Variants in ERF observed in about 807,000 individuals in gnomAD.
ERF encodes the protein ETS2 repressor factor, also known as ETS domain-containing transcription factor ERF.
Under a neutral mutation model 41.6 loss-of-function variants are expected in ERF, and 10 were observed. That is an observed-to-expected ratio of 0.24 (90% CI 0.15 to 0.41). The LOEUF (loss-of-function observed/expected upper bound fraction) is 0.41. ERF is among the 10% of genes least tolerant of loss of function. The pLI is 1.00. For synonymous variants in ERF, 395 were observed against 342.4 expected (o/e 1.15, Z -1.70); for missense variants, 621 against 763.2 (o/e 0.81, Z 2.19).
At chr19:42,253,744 A>T in intron 1 of ERF, 2 of 512,040 alleles carry the variant, frequency 3.9e-6, no homozygotes, top group Non-Finnish European at 5.0e-6. Context: ...CTTTAAGATT[A>T]AGCCGCCCCC....
chr19:42,251,124 G>A (rs984907519), intron 1 of ERF: 3 of 735,774 alleles, frequency 4.1e-6, no homozygotes, highest in Non-Finnish European at 5.0e-6. Flanking sequence ...CTCGGTTGCC[G>A]ATGAGGTCAG....
intron 1 of ERF, among the ~76,000 whole-genome samples, chr19:42,252,196 C>A (rs1447255891): frequency 6.6e-6 from 1 of 152,186 alleles, no homozygotes; most frequent in Non-Finnish European, 1.5e-5. Context: ...ACCCTCATAT[C>A]CCCTCCAAAA....
rs1414987553 is a variant in ERF at position 42,248,715 on chromosome 19, G to A, written c.1397C>T (p.Pro466Leu). Residue 466 changes from proline (P) to leucine (L), a missense_variant, in exon 4 of 4, where the codon CCT becomes CTT. This residue lies in a region of ERF where 569 missense variants were observed against 625.5 expected (regional missense o/e 0.91). Coordinates refer to ENST00000222329, the MANE Select transcript of ERF (RefSeq NM_006494.4). The surrounding 1 kb of genome is among the most constrained non-coding windows in gnomAD (Gnocchi z 4.2). ...TGCCCCGGGTGCCTCGCCGGGCTCA[G>A]GCTTAGGGGGTGCAGGTGGGGCACG... ...TPRAPPAPPK[P>L]EPGEAPGASQ... is the part of the protein sequence containing the mutation. 6.2e-7 allele frequency: 1 copy of A among 1,613,580 alleles called. No homozygotes were observed. The highest frequency in any genetic ancestry group is 2.2e-5 in the East Asian group (1 of 44,880).
chr19:42,252,753 G>A lies in ERF; in HGVS notation c.23-2188C>T, dbSNP rs547727261. ...GGGGGGGGGAGAATGAAGAGGGGGT[G>A]ACGTCAGGGTGTCTCAATGGGGCTC... is the stretch of plus-strand genomic sequence containing the variant. On this transcript the variant is annotated intron_variant, in intron 1 of 3. Coordinates refer to ENST00000222329, the MANE Select transcript of ERF (RefSeq NM_006494.4). Among the ~76,000 whole-genome samples the A allele has an allele frequency of 2.6e-5, 4 of 152,298 alleles. No individual in the cohort carries two copies. In the East Asian group the frequency reaches 5.8e-4, roughly 22 times the overall value.
chr19:42,249,181 T>G lies in ERF; in HGVS notation c.931A>C (p.Lys311Gln). ...SHFSFSPEDM[K>Q]RYLQAHTQSV... ...TGGGTGTGGGCCTGCAGGTACCGTT[T>G]CATGTCCTCAGGGCTGAAGGAGAAG... The change falls in exon 4 of 4, where the codon AAA (lysine) becomes CAA (glutamine). Residue 311 changes from lysine (K) to glutamine (Q), a missense_variant. Physicochemically the swap from Lys to Gln is moderately conservative, Grantham distance 53. Around this residue, in one of 3 missense-constraint regions of ERF, gnomAD observed 569 missense variants for 625.5 expected, o/e 0.91. Transcript: ENST00000222329. This position sits in a 1 kb window ranked among gnomAD's most constrained non-coding sequence, Gnocchi z 8.6. The G allele has an allele frequency of 3.1e-6, 5 of 1,613,804 alleles. No homozygotes were observed. Among genetic ancestry groups the G allele is most frequent in the Non-Finnish European group, 4.2e-6 (5 of 1,179,882 alleles).
chr19:42,253,979 AG>A, intron 1 of ERF: 1 of 1,000,628 alleles, frequency 1.0e-6, no homozygotes, highest in South Asian at 3.6e-5. Context: ...GTAGACGGGC[AG>A]GGGGCGGCTG....
Position 42,250,480 on chromosome 19 carries a change from C to T in ERF, c.108G>A (p.Leu36=). ...QIQLWHFILE[L]LRKEEYQGVI... is the part of the protein sequence containing the mutation. ...CGCCCTGGTACTCCTCCTTCCGCAG[C>T]AGCTCCAGGATAAAGTGCCACAGCT... Residue 36 remains leucine, a synonymous_variant, in exon 2 of 4, where the codon CTG becomes CTA. Coordinates refer to ENST00000222329, the MANE Select transcript of ERF (RefSeq NM_006494.4). This position sits in a 1 kb window ranked among gnomAD's most constrained non-coding sequence, Gnocchi z 5.1. 6.2e-7 allele frequency: 1 copy of T among 1,613,656 alleles called. No individual in the cohort carries two copies. The highest frequency in any genetic ancestry group is 8.5e-7 in the Non-Finnish European group (1 of 1,180,034).
rs1269422407 is a variant in ERF, at chr19:42,250,705, G to A, written c.23-140C>T. ...TCAGCCAAGTCAAGATCTGATTTAA[G>A]AGAAGACAGTGCGTGTCTGTCTGTC... On this transcript the variant is annotated intron_variant, in intron 1 of 3. Coordinates refer to ENST00000222329, the MANE Select transcript of ERF (RefSeq NM_006494.4). This position sits in a 1 kb window ranked among gnomAD's most constrained non-coding sequence, Gnocchi z 5.1. 5 of 835,300 alleles carry A rather than the reference G, an allele frequency of 6.0e-6. No individual in the cohort carries two copies. Among genetic ancestry groups the A allele is most frequent in the African/African-American group, 5.1e-5 (3 of 58,324 alleles). 51.7% of individuals were successfully genotyped at this position (835,300 alleles called of 1,614,324 possible).
rs745600955 is a variant in ERF, at chr19:42,249,008, AGAG to A, written c.1101_1103del (p.Ser373del). On this transcript the variant is annotated inframe_deletion, in exon 4 of 4. Transcript: ENST00000222329. This position sits in a 1 kb window ranked among gnomAD's most constrained non-coding sequence, Gnocchi z 8.6. ...ACTTGAATGGGGAGGAAGAAGAAGAAGAGGATGACGAGGCCGAGGAGGGGACCG... is the reference window on the plus strand; with the variant it reads ...ACTTGAATGGGGAGGAAGAAGAAGAAGATGACGAGGCCGAGGAGGGGACCG... The A allele has an allele frequency of 4.3e-6, 7 of 1,609,682 alleles. No individual in the cohort carries two copies. Among genetic ancestry groups the A allele is most frequent in the Non-Finnish European group, 5.9e-6 (7 of 1,178,790 alleles).
At position 42,249,294 on chromosome 19, in the gene ERF, G is replaced by T; in HGVS notation, c.818C>A (p.Thr273Asn). The T allele has an allele frequency of 6.2e-7, 1 of 1,602,550 alleles. No homozygotes were observed. Among genetic ancestry groups the T allele is most frequent in the Non-Finnish European group, 8.5e-7 (1 of 1,174,644 alleles). Residue 273 changes from threonine (T) to asparagine (N), a missense_variant, in exon 4 of 4, where the codon ACC becomes AAC. Physicochemically the swap from Thr to Asn is moderately conservative, Grantham distance 65. Coordinates refer to ENST00000222329, the MANE Select transcript of ERF (RefSeq NM_006494.4). The surrounding 1 kb of genome is among the most constrained non-coding windows in gnomAD (Gnocchi z 8.6). ...QLSPALPMTPTHLAYTPSPTL... is the reference protein window; with the variant it reads ...QLSPALPMTPNHLAYTPSPTL... The stretch of plus-strand genomic sequence containing the variant: ...GGGCGAGGGAGTGTAGGCCAGGTGG[G>T]TGGGCGTCATGGGCAGAGCCGGGGA...
rs914128913 is a variant in ERF, at chr19:42,250,455, C to T, written c.133G>A (p.Val45Ile). 8 of 1,613,456 alleles carry T rather than the reference C, an allele frequency of 5.0e-6. No homozygotes were observed. The highest frequency in any genetic ancestry group is 2.7e-5 in the African/African-American group (2 of 74,912). The change falls in exon 2 of 4, where the codon GTC becomes ATC. Residue 45 changes from valine to isoleucine, a missense_variant. Physicochemically the swap from Val to Ile is conservative, Grantham distance 29. Coordinates refer to ENST00000222329, the MANE Select transcript of ERF (RefSeq NM_006494.4). The surrounding 1 kb of genome is among the most constrained non-coding windows in gnomAD (Gnocchi z 5.1). ...ELLRKEEYQG[V>I]IAWQGDYGEF... ...CCGTAGTCCCCCTGCCAGGCAATGA[C>T]GCCCTGGTACTCCTCCTTCCGCAGC...
In ERF at chr19:42,248,565, T is replaced by C; in HGVS notation, c.1547A>G (p.Glu516Gly). The change falls in exon 4 of 4, where the codon GAG becomes GGG. Residue 516 changes from glutamate to glycine, a missense_variant. Physicochemically the swap from Glu to Gly is moderately conservative, Grantham distance 98 (BLOSUM62 -2). Around this residue, in one of 3 missense-constraint regions of ERF, gnomAD observed 569 missense variants for 625.5 expected, o/e 0.91. Coordinates refer to ENST00000222329, the MANE Select transcript of ERF (RefSeq NM_006494.4). This position sits in a 1 kb window ranked among gnomAD's most constrained non-coding sequence, Gnocchi z 4.2. The part of the protein sequence containing the change: ...DEGEDKKVRG[E>G]GPGEAGGPLT... ...GGGCCCCCCAGCCTCCCCAGGCCCCTCCCCACGCACCTTCTTGTCCTCACC... is the reference window on the plus strand; with the variant it reads ...GGGCCCCCCAGCCTCCCCAGGCCCCCCCCCACGCACCTTCTTGTCCTCACC... The C allele has an allele frequency of 6.4e-7, 1 of 1,564,608 alleles. No individual in the cohort carries two copies. Among genetic ancestry groups the C allele is most frequent in the Non-Finnish European group, 8.7e-7 (1 of 1,155,230 alleles).
In ERF at chr19:42,249,306, G is replaced by T; in HGVS notation, c.806C>A (p.Pro269His). The change falls in exon 4 of 4, where the codon CCC (proline) becomes CAC (histidine). Residue 269 changes from proline to histidine, a missense_variant. Transcript: ENST00000222329. This position sits in a 1 kb window ranked among gnomAD's most constrained non-coding sequence, Gnocchi z 8.6. ...LLPPQLSPALPMTPTHLAYTP... is the reference protein window; with the variant it reads ...LLPPQLSPALHMTPTHLAYTP... ...GTAGGCCAGGTGGGTGGGCGTCATG[G>T]GCAGAGCCGGGGAGAGCTGAGGGGG... The T allele has an allele frequency of 1.3e-6, 2 of 1,595,168 alleles. No individual in the cohort carries two copies. Among genetic ancestry groups the T allele is most frequent in the Non-Finnish European group, 1.7e-6 (2 of 1,171,050 alleles).
Position 42,255,096 on chromosome 19 carries a change from C to G in ERF, c.-97G>C. ...CCCGCGCCCGTCGGGCCGCCCTCGC[C>G]GCCTCACCCGGCCTCGCCTCTCAGA... is the stretch of plus-strand genomic sequence containing the variant. On this transcript the variant is annotated 5_prime_UTR_variant, in exon 1 of 4. Coordinates refer to ENST00000222329, the MANE Select transcript of ERF (RefSeq NM_006494.4). 1 of 1,110,186 alleles carries G rather than the reference C, an allele frequency of 9.0e-7. No individual in the cohort carries two copies. Among genetic ancestry groups the G allele is most frequent in the South Asian group, 4.1e-5 (1 of 24,156 alleles). The allele number at this position is 1,110,186 out of a possible 1,614,324, so 68.8% of individuals were successfully genotyped here.
chr19:42,251,701 C>T (rs1378072057), intron 1 of ERF, among the ~76,000 whole-genome samples: 1 of 152,106 alleles, frequency 6.6e-6, no homozygotes, highest in Non-Finnish European at 1.5e-5. Context: ...CCAGCTCAAA[C>T]AGGTACCAAC....
chr19:42,254,865 C>A, intron 1 of ERF, 113 bp downstream of exon 1: 1 of 1,267,840 alleles, frequency 7.9e-7, no homozygotes, highest in African/African-American at 1.6e-5. Context: ...GAGGGGTCCC[C>A]CAGAACTGGG....
chr19:42,254,108 CCCGCCGA>C (rs1338173204), intron 1 of ERF, among the ~76,000 whole-genome samples: 2 of 151,766 alleles, frequency 1.3e-5, no homozygotes, highest in African/African-American at 4.8e-5. Flanking sequence ...CTGCCCCCCG[CCCGCCGA>C]CCGAGGGGGA....
intron 1 of ERF, among the ~76,000 whole-genome samples, chr19:42,252,667 C>T (rs1011204237): frequency 1.4e-4 from 22 of 152,094 alleles, no homozygotes; most frequent in African/African-American, 5.1e-4. Context: ...ACTCCCAAGC[C>T]CACCACAACG....
rs1478758153 is a variant in ERF, at chr19:42,250,127, G to A, written c.258-185C>T. ...CCTCACATCTAAGGCAGGACTAGAG[G>A]ATCCACTGGTGACTGTAATCTCTCC... On this transcript the variant is annotated intron_variant, in intron 2 of 3. Transcript: ENST00000222329. The surrounding 1 kb of genome is among the most constrained non-coding windows in gnomAD (Gnocchi z 5.1). 6.7e-6 allele frequency: 5 copies of A among 743,434 alleles called. No homozygotes were observed. The highest frequency in any genetic ancestry group is 1.1e-5 in the Non-Finnish European group (5 of 447,464). 46.1% of individuals were successfully genotyped at this position (743,434 alleles called of 1,614,324 possible).
Sources: gnomAD v4.1 joint callset for allele counts (sites outside exome capture counted in the v4.1 genomes callset) on GRCh38, gnomAD v4.1.1 for gene constraint, gnomAD v4.1.1 regional missense constraint, Gnocchi (gnomAD v3.1) non-coding constraint, MANE v1.5 for transcripts, NCBI Gene and HGNC (gene_info 2026-07-23, HGNC 2026-07-21) for gene names.